The following DCC variants were observed in gnomAD, a reference collection of about 807,000 sequenced individuals.
The protein encoded by DCC is DCC netrin 1 receptor.
In DCC, 58 loss-of-function variants were observed where a neutral mutation model predicts 172.5. The ratio of observed to expected loss-of-function variants is 0.34; its 90% confidence interval spans 0.27 to 0.42. The LOEUF is 0.42. Ranked by LOEUF, DCC falls within the 10% of genes least tolerant of loss-of-function variation. The pLI, the probability that DCC is intolerant of heterozygous loss-of-function variation, is 1.00. For synonymous variants in DCC, 709 were observed against 644.5 expected (o/e 1.10, Z -1.52); for missense variants, 1,740 against 1,791.0 (o/e 0.97, Z 0.51).
chr18:52,988,288 TCTTA>T (rs1260873139), intron 5 of DCC, among the ~76,000 whole-genome samples: 1 of 152,110 alleles, frequency 6.6e-6, no homozygotes, highest in South Asian at 2.1e-4. Flanking sequence ...CAGTCTTTCC[TCTTA>T]CTTTATACAA....
At chr18:53,523,020 A>C (rs1168768444) in intron 27 of DCC, among the ~76,000 whole-genome samples, 1 of 152,204 alleles carries the variant, frequency 6.6e-6, no homozygotes. Context: ...TATCCATCTG[A>C]CAAAGGGCTA....
At chr18:53,059,916 A>G (rs1167754409) in intron 5 of DCC, among the ~76,000 whole-genome samples, 1 of 152,098 alleles carries the variant, frequency 6.6e-6, no homozygotes, top group Admixed American at 6.6e-5. Flanking sequence ...ATGGAGAAAA[A>G]TCCTTAGCCC....
At chr18:52,529,559 G>A (rs2032085969) in intron 1 of DCC, among the ~76,000 whole-genome samples, 1 of 152,152 alleles carries the variant, frequency 6.6e-6, no homozygotes, top group Non-Finnish European at 1.5e-5. Flanking sequence ...CAAAGTGCTG[G>A]GATTACAGGC....
chr18:52,693,005 C>T (rs537655232), intron 1 of DCC, among the ~76,000 whole-genome samples: 2 of 152,102 alleles, frequency 1.3e-5, no homozygotes, highest in African/African-American at 4.8e-5. Context: ...AGGCTGTGAC[C>T]TTGTTCACGT....
chr18:53,002,885 C>T (rs1426149888), intron 5 of DCC, among the ~76,000 whole-genome samples: 2 of 152,120 alleles, frequency 1.3e-5, no homozygotes, highest in Non-Finnish European at 2.9e-5. Context: ...TGTATCAGCA[C>T]AGGGTCTTTA....
At chr18:53,116,795 GATATATA>G (rs2043415390) in intron 7 of DCC, among the ~76,000 whole-genome samples, 1 of 151,338 alleles carries the variant, frequency 6.6e-6, no homozygotes, top group Non-Finnish European at 1.5e-5. Context: ...ACCTTTTCTT[GATATATA>G]ATATATATTG....
chr18:53,303,131 C>A (rs1367361956), intron 12 of DCC, among the ~76,000 whole-genome samples: 2 of 152,096 alleles, frequency 1.3e-5, no homozygotes, highest in African/African-American at 4.8e-5. Context: ...AACCAAATCT[C>A]TAATTTGTTA....
chr18:53,280,872 A>T (rs973847119), intron 12 of DCC, among the ~76,000 whole-genome samples: 1 of 152,112 alleles, frequency 6.6e-6, no homozygotes, highest in Non-Finnish European at 1.5e-5. Context: ...AGGTAAAAAA[A>T]GTTGATTATT....
intron 3 of DCC, among the ~76,000 whole-genome samples, chr18:52,911,591 C>T (rs764681951): frequency 1.1e-4 from 16 of 151,886 alleles, no homozygotes; most frequent in Non-Finnish European, 2.1e-4. Context: ...AGACTTGATT[C>T]AATTAACTTT....
chr18:52,497,312 T>C (rs866001681), intron 1 of DCC, among the ~76,000 whole-genome samples: 799 of 77,086 alleles, frequency 0.01, 140 homozygotes, highest in South Asian at 0.021. Context: ...TATATATATA[T>C]ATACACACAC....
At chr18:53,191,397 A>G (rs2055364536) in intron 9 of DCC, among the ~76,000 whole-genome samples, 1 of 152,178 alleles carries the variant, frequency 6.6e-6, no homozygotes, top group African/African-American at 2.4e-5. Context: ...TTTGGATATA[A>G]TATGTTTTGT....
At chr18:52,478,552 A>C (rs1037991061) in intron 1 of DCC, among the ~76,000 whole-genome samples, 1 of 152,178 alleles carries the variant, frequency 6.6e-6, no homozygotes, top group Non-Finnish European at 1.5e-5. Context: ...GTAAATTATA[A>C]AGAAAAAAGG....
At chr18:52,847,854 G>GT (rs1480511379) in intron 2 of DCC, among the ~76,000 whole-genome samples, 1 of 152,158 alleles carries the variant, frequency 6.6e-6, no homozygotes, top group African/African-American at 2.4e-5. Context: ...GTAACTTTGA[G>GT]TAGGTCACTT....
intron 9 of DCC, among the ~76,000 whole-genome samples, chr18:53,192,486 G>A (rs2055380631): frequency 6.6e-6 from 1 of 152,166 alleles, no homozygotes; most frequent in African/African-American, 2.4e-5. Context: ...CAAGGTGTAA[G>A]TTTGGAGGAG....
intron 13 of DCC, 73 bp from the exon 14 acceptor site, chr18:53,321,974 G>C: frequency 1.2e-6 from 1 of 830,480 alleles, no homozygotes; most frequent in Admixed American, 1.7e-5. Context: ...TTTTGCTGAA[G>C]CTTTTGGAAA....
At chr18:53,395,148 C>T (rs1908842725) in intron 17 of DCC, among the ~76,000 whole-genome samples, 1 of 80,456 alleles carries the variant, frequency 1.2e-5, no homozygotes, top group South Asian at 4.9e-4. Flanking sequence ...GAAACTCCAT[C>T]TCAAAAAAAA....
chr18:52,471,899 G>A (rs1396977839), intron 1 of DCC, among the ~76,000 whole-genome samples: 1 of 152,118 alleles, frequency 6.6e-6, no homozygotes, highest in Non-Finnish European at 1.5e-5. Context: ...CTTATGTGAA[G>A]GGCAGAAAAC....
At chr18:53,150,165 C>A (rs1017499598) in intron 7 of DCC, among the ~76,000 whole-genome samples, 1 of 152,184 alleles carries the variant, frequency 6.6e-6, no homozygotes, top group African/African-American at 2.4e-5. Flanking sequence ...ATAAAATGTT[C>A]TCACCCCAAA....
At chr18:52,626,911 G>T (rs2034583890) in intron 1 of DCC, among the ~76,000 whole-genome samples, 2 of 152,048 alleles carry the variant, frequency 1.3e-5, no homozygotes, top group African/African-American at 2.4e-5. Context: ...GTGGATTTTG[G>T]AATCCATGGA....
Sources: allele counts gnomAD v4.1 joint callset (sites outside exome capture counted in the v4.1 genomes callset), GRCh38; gene constraint gnomAD v4.1.1; transcripts MANE v1.5; gene names NCBI Gene and HGNC (gene_info 2026-07-23, HGNC 2026-07-21).